CRPPA: variants seen among roughly 807,000 people sequenced by gnomAD.
The protein encoded by CRPPA is CDP-L-ribitol pyrophosphorylase A.
CRPPA carries 43 observed loss-of-function variants against 52.0 expected under a neutral mutation model. The ratio of observed to expected loss-of-function variants is 0.83; its 90% CI spans 0.65 to 1.07. The LOEUF (loss-of-function observed/expected upper bound fraction) is 1.07. CRPPA is among the 50% of genes least tolerant of loss of function. CRPPA has a pLI of 0.00. For missense variants in CRPPA, 629 were observed against 551.7 expected (o/e 1.14, Z -1.40); for synonymous variants, 250 against 203.5 (o/e 1.23, Z -1.94).
Position 16,308,537 on chromosome 7 carries a change from G to A in CRPPA, c.775C>T (p.Pro259Ser). ...ATCCCTCTTACCTTCCAGAGGTCAG[G>A]TGATCCTTCTACAAGTTTGGCTTTA... Reference protein sequence around the residue: ...CTKAKLVEGSPDLWKVTYKRD... With the variant: ...CTKAKLVEGSSDLWKVTYKRD... The change falls in exon 4 of 10, where the codon CCT (proline) becomes TCT (serine). Residue 259 changes from proline to serine, a missense_variant. Coordinates refer to ENST00000407010, the MANE Select transcript of CRPPA (RefSeq NM_001101426.4). The A allele has an allele frequency of 6.3e-7, 1 of 1,598,018 alleles. No individual in the cohort carries two copies. The highest frequency in any genetic ancestry group is 8.6e-7 in the Non-Finnish European group (1 of 1,167,414).
At position 16,091,613 on chromosome 7, in the gene CRPPA, A is replaced by G; in HGVS notation, c.*82T>C. ...ATATAAAAGACAACTGAAACATTCTACCACACACAGCAGCGGGGGCACAAA... is the reference window on the plus strand; with the variant it reads ...ATATAAAAGACAACTGAAACATTCTGCCACACACAGCAGCGGGGGCACAAA... On this transcript the variant is annotated 3_prime_UTR_variant, in exon 10 of 10. Coordinates refer to ENST00000407010, the MANE Select transcript of CRPPA (RefSeq NM_001101426.4). 1 of 716,188 alleles carries G rather than the reference A, an allele frequency of 1.4e-6. No homozygotes were observed. Among genetic ancestry groups the G allele is most frequent in the Non-Finnish European group, 2.4e-6 (1 of 421,816 alleles). The allele number at this position is 716,188 out of a possible 1,614,324, so 44.4% of individuals were successfully genotyped here. A position where few individuals can be genotyped will look rare whatever the true frequency, so the allele number is the denominator to read the frequency against.
intron 9 of CRPPA, among the ~76,000 whole-genome samples, chr7:16,117,611 G>A (rs1782402192): frequency 6.6e-6 from 1 of 152,062 alleles, no homozygotes; most frequent in African/African-American, 2.4e-5. Flanking sequence ...CAGAACCAGG[G>A]AGCACATCCT....
At chr7:16,151,602 A>T (rs1366391416) in intron 9 of CRPPA, among the ~76,000 whole-genome samples, 3 of 152,110 alleles carry the variant, frequency 2.0e-5, no homozygotes, top group South Asian at 2.1e-4. Context: ...TATATTTTAA[A>T]AAAATAAAAT....
chr7:16,312,306 G>A (rs1017126493), intron 3 of CRPPA, among the ~76,000 whole-genome samples: 10 of 151,850 alleles, frequency 6.6e-5, no homozygotes, highest in Non-Finnish European at 1.0e-4. Context: ...GAGTTTTGCA[G>A]TTTTCCTCAA....
At chr7:16,329,340 A>G (rs7779204) in intron 3 of CRPPA, among the ~76,000 whole-genome samples, 138,534 of 152,230 alleles carry the variant, frequency 0.91, 63,220 homozygotes, top group Non-Finnish European at 0.95. Flanking sequence ...GCACATTCAA[A>G]TTACATTCCA....
At chr7:16,270,760 G>A (rs1344320555) in intron 6 of CRPPA, among the ~76,000 whole-genome samples, 1 of 152,118 alleles carries the variant, frequency 6.6e-6, no homozygotes, top group Non-Finnish European at 1.5e-5. Flanking sequence ...GCAAACAAAT[G>A]AAAATCCTGT....
intron 1 of CRPPA, among the ~76,000 whole-genome samples, chr7:16,408,165 C>T (rs1036097423): frequency 2.0e-5 from 3 of 150,508 alleles, no homozygotes; most frequent in Non-Finnish European, 4.4e-5. Context: ...CAGAAATAAG[C>T]GCTCAGAACT....
At chr7:16,411,277 T>C (rs760229049) in intron 1 of CRPPA, among the ~76,000 whole-genome samples, 1 of 152,144 alleles carries the variant, frequency 6.6e-6, no homozygotes, top group Admixed American at 6.5e-5. Flanking sequence ...GGGACCAAGC[T>C]GTGATCTCCA....
chr7:16,218,983 A>G (rs535071983), intron 8 of CRPPA, among the ~76,000 whole-genome samples: 9 of 152,322 alleles, frequency 5.9e-5, no homozygotes, highest in Admixed American at 3.3e-4. Flanking sequence ...AATCAACAGA[A>G]TATACATTTT....
At chr7:16,136,973 A>C (rs1782775100) in intron 9 of CRPPA, among the ~76,000 whole-genome samples, 1 of 152,338 alleles carries the variant, frequency 6.6e-6, no homozygotes, top group East Asian at 1.9e-4. Flanking sequence ...AAACAACAAA[A>C]TCAAGGTCAT....
chr7:16,299,302 A>T (rs1449159066), intron 5 of CRPPA, among the ~76,000 whole-genome samples: 1 of 152,182 alleles, frequency 6.6e-6, no homozygotes, highest in African/African-American at 2.4e-5. Flanking sequence ...CAGGTGAGCA[A>T]ACAAGCATTT....
chr7:16,217,872 A>ATATT (rs1782375682), intron 8 of CRPPA, among the ~76,000 whole-genome samples: 1 of 152,090 alleles, frequency 6.6e-6, no homozygotes, highest in Non-Finnish European at 1.5e-5. Flanking sequence ...ACTCTGCAGG[A>ATATT]TATTATCCAG....
intron 9 of CRPPA, among the ~76,000 whole-genome samples, chr7:16,125,520 A>G (rs1479228580): frequency 2.6e-5 from 4 of 152,110 alleles, no homozygotes; most frequent in Non-Finnish European, 5.9e-5. Flanking sequence ...CTAGAGAGTA[A>G]TCACCATAAA....
At position 16,255,044 on chromosome 7, in the gene CRPPA, A is replaced by G. The variant is rs1360280230; in HGVS notation, c.1119+3346T>C. Among the ~76,000 whole-genome samples, 3 of 152,188 alleles carry G rather than the reference A, an allele frequency of 2.0e-5. No homozygotes were observed. In the East Asian group the frequency reaches 5.8e-4, roughly 29 times the overall value. On this transcript the variant is annotated intron_variant, in intron 8 of 9. Coordinates refer to ENST00000407010, the MANE Select transcript of CRPPA (RefSeq NM_001101426.4). ...CATGATTGTATATTTAGAAAACCCC[A>G]TCATGTCAGCCCCAAATCTCCTTAA...
chr7:16,241,226 A>G (rs1783098124), intron 8 of CRPPA, among the ~76,000 whole-genome samples: 1 of 152,118 alleles, frequency 6.6e-6, no homozygotes, highest in Non-Finnish European at 1.5e-5. Flanking sequence ...ACCTGTTCAA[A>G]TACTAAATAT....
At chr7:16,164,576 G>A (rs1781006544) in intron 9 of CRPPA, among the ~76,000 whole-genome samples, 1 of 152,126 alleles carries the variant, frequency 6.6e-6, no homozygotes, top group Non-Finnish European at 1.5e-5. Flanking sequence ...ATCCTTTGGA[G>A]GAGAAGAGGC....
chr7:16,391,793 C>A (rs1787452715), intron 2 of CRPPA, among the ~76,000 whole-genome samples: 1 of 152,166 alleles, frequency 6.6e-6, no homozygotes, highest in Admixed American at 6.5e-5. Flanking sequence ...TAACACATAG[C>A]ATGCACTCAG....
chr7:16,261,826 T>A (rs1783813161), intron 6 of CRPPA: 1 of 152,118 alleles, frequency 6.6e-6, no homozygotes, highest in East Asian at 1.9e-4. Context: ...TTCCCCCACC[T>A]ACCCCGCCAT....
intron 9 of CRPPA, among the ~76,000 whole-genome samples, chr7:16,205,271 A>C (rs1034652686): frequency 5.9e-5 from 9 of 152,322 alleles, no homozygotes; most frequent in Admixed American, 4.6e-4. Context: ...ACCCTGATTT[A>C]CATGACTTGA....
Sources: gnomAD v4.1 joint callset for allele counts (sites outside exome capture counted in the v4.1 genomes callset) on GRCh38, gnomAD v4.1.1 for gene constraint, MANE v1.5 for transcripts, NCBI Gene and HGNC (gene_info 2026-07-23, HGNC 2026-07-21) for gene names.